Variants in INSL4 observed in about 807,000 individuals in gnomAD.
The protein encoded by INSL4 is insulin like 4.
INSL4 carries 7 observed loss-of-function variants against 6.5 expected under a neutral mutation model. The observed-to-expected ratio is 1.08, with a 90% CI of 0.61 to 2.02. The LOEUF (loss-of-function observed/expected upper bound fraction) is 2.02. Among genes scored for constraint, INSL4 ranks in the 30% most tolerant of loss-of-function variants. INSL4 has a pLI of 0.00. For missense variants in INSL4, 226 were observed against 163.2 expected (o/e 1.38, Z -2.09); for synonymous variants, 82 against 65.8 (o/e 1.25, Z -1.19).
Position 5,231,499 on chromosome 9 carries a change from C to G in INSL4, c.-25C>G. On this transcript the variant is annotated 5_prime_UTR_variant, in exon 1 of 2. Coordinates refer to ENST00000239316, the MANE Select transcript of INSL4 (RefSeq NM_002195.2). ...TCTCTAAAGAAAGGCTGAGAACACC[C>G]AGAACAGGAGAGTTCAGGTCCAGGA... 1 of 1,603,538 alleles carries G rather than the reference C, an allele frequency of 6.2e-7. No homozygotes were observed. The highest frequency in any genetic ancestry group is 8.5e-7 in the Non-Finnish European group (1 of 1,174,794).
Position 5,233,903 on chromosome 9 carries a change from C to A in INSL4, c.*26C>A. ...TAGAGTAATCATGGACTGGACATCT[C>A]ATCCATTCTCATATGTATTCTCAAT... On this transcript the variant is annotated 3_prime_UTR_variant, in exon 2 of 2. Coordinates refer to ENST00000239316, the MANE Select transcript of INSL4 (RefSeq NM_002195.2). 1.4e-6 allele frequency: 2 copies of A among 1,421,528 alleles called. No homozygotes were observed. Among genetic ancestry groups the A allele is most frequent in the South Asian group, 2.3e-5 (2 of 86,434 alleles). The allele number at this position is 1,421,528 out of a possible 1,614,324, so 88.1% of individuals were successfully genotyped here. A position where few individuals can be genotyped will look rare whatever the true frequency, so the allele number is the denominator to read the frequency against.
rs1826193149 is a variant in INSL4 at position 5,234,221 on chromosome 9, T to G, written c.*344T>G. 1 of 212,578 alleles carries G rather than the reference T, an allele frequency of 4.7e-6. No homozygotes were observed. The highest frequency in any genetic ancestry group is 2.3e-5 in the African/African-American group (1 of 43,000). 13.2% of individuals were successfully genotyped at this position (212,578 alleles called of 1,614,324 possible). A position where few individuals can be genotyped will look rare whatever the true frequency, so the allele number is the denominator to read the frequency against. On this transcript the variant is annotated 3_prime_UTR_variant, in exon 2 of 2. Transcript: ENST00000239316. ...TTACCCTGATTTGATCATTACACAT[T>G]ATATACACGTATCAAAATATCACAT...
chr9:5,232,959 C>T (rs1474044866), intron 1 of INSL4, among the ~76,000 whole-genome samples: 2 of 152,084 alleles, frequency 1.3e-5, no homozygotes, highest in Admixed American at 6.6e-5. Context: ...TTAGTCAGAG[C>T]TTGTTTCATT....
intron 1 of INSL4, 107 bp downstream of exon 1, chr9:5,231,826 A>G: frequency 1.0e-6 from 1 of 969,554 alleles, no homozygotes; most frequent in Non-Finnish European, 1.5e-6. Context: ...GCTAGTGCCT[A>G]CAAGTTTGTG....
At chr9:5,233,565 T>C in intron 1 of INSL4, 89 bp from the exon 2 acceptor site, 5 of 935,518 alleles carry the variant, frequency 5.3e-6, no homozygotes, top group African/African-American at 1.6e-5. Context: ...AATGGGTACA[T>C]TGTGGTCTAG....
Position 5,231,507 on chromosome 9 carries a change from G to C in INSL4, c.-17G>C. ...GAAAGGCTGAGAACACCCAGAACAG[G>C]AGAGTTCAGGTCCAGGATGGCCAGC... On this transcript the variant is annotated 5_prime_UTR_variant, in exon 1 of 2. Coordinates refer to ENST00000239316, the MANE Select transcript of INSL4 (RefSeq NM_002195.2). 3.7e-6 allele frequency: 6 copies of C among 1,609,592 alleles called. No homozygotes were observed. The highest frequency in any genetic ancestry group is 4.2e-6 in the Non-Finnish European group (5 of 1,178,202).
intron 1 of INSL4, among the ~76,000 whole-genome samples, chr9:5,232,407 G>C (rs562305289): frequency 3.3e-5 from 5 of 152,248 alleles, no homozygotes; most frequent in African/African-American, 1.2e-4. Context: ...AGTGTGTTGA[G>C]AGAGATGAGA....
chr9:5,232,805 C>T (rs553654199), intron 1 of INSL4, among the ~76,000 whole-genome samples: 1 of 152,180 alleles, frequency 6.6e-6, no homozygotes, highest in Non-Finnish European at 1.5e-5. Context: ...ATGTGTGACT[C>T]CAGAACTGCT....
intron 1 of INSL4, among the ~76,000 whole-genome samples, chr9:5,232,434 G>C (rs1391468620): frequency 6.6e-6 from 1 of 152,082 alleles, no homozygotes; most frequent in African/African-American, 2.4e-5. Flanking sequence ...GAAAGAAAGT[G>C]GCCTGGATGA....
At chr9:5,233,358 A>C (rs188688342) in intron 1 of INSL4, among the ~76,000 whole-genome samples, 1 of 152,172 alleles carries the variant, frequency 6.6e-6, no homozygotes, top group Admixed American at 6.6e-5. Context: ...ATCAATCAAA[A>C]CAGTGTCAGG....
Position 5,231,478 on chromosome 9 carries a change from T to C in INSL4, c.-46T>C. The C allele has an allele frequency of 6.3e-7, 1 of 1,578,332 alleles. No homozygotes were observed. Among genetic ancestry groups the C allele is most frequent in the East Asian group, 2.3e-5 (1 of 44,444 alleles). Reference sequence around the variant, plus strand: ...CTGGTAGGCTACAGCAGCAAGTCTCTAAAGAAAGGCTGAGAACACCCAGAA... The same window carrying C: ...CTGGTAGGCTACAGCAGCAAGTCTCCAAAGAAAGGCTGAGAACACCCAGAA... On this transcript the variant is annotated 5_prime_UTR_variant, in exon 1 of 2. Coordinates refer to ENST00000239316, the MANE Select transcript of INSL4 (RefSeq NM_002195.2).
At chr9:5,233,105 A>T (rs1257548596) in intron 1 of INSL4, among the ~76,000 whole-genome samples, 1 of 152,200 alleles carries the variant, frequency 6.6e-6, no homozygotes, top group African/African-American at 2.4e-5. Flanking sequence ...TCATTTAAAT[A>T]CTTTGACAAA....
chr9:5,233,663 C>A lies in INSL4; in HGVS notation c.206C>A (p.Ser69Ter), dbSNP rs760411422. The stretch of plus-strand genomic sequence containing the variant: ...CTCTTTTACTTCACAGAAATGGTGT[C>A]AACCTCCAACAACAAAGATGGACAA... ...LESGRPKEMV[S>*]TSNNKDGQAL... is the part of the protein sequence containing the mutation. The change falls in exon 2 of 2, where the codon TCA (serine) becomes TAA (stop). Residue 69 changes from serine (S) to a stop codon, truncating the protein, a stop_gained. Coordinates refer to ENST00000239316, the MANE Select transcript of INSL4 (RefSeq NM_002195.2). LOFTEE classifies it low-confidence loss of function (END_TRUNC). The A allele has an allele frequency of 6.2e-7, 1 of 1,612,496 alleles. No individual in the cohort carries two copies. Among genetic ancestry groups the A allele is most frequent in the Admixed American group, 1.7e-5 (1 of 59,940 alleles).
At chr9:5,233,567 G>T (rs1172521934) in intron 1 of INSL4, 87 bp from the exon 2 acceptor site, 5 of 950,630 alleles carry the variant, frequency 5.3e-6, no homozygotes, top group Non-Finnish European at 8.1e-6. Flanking sequence ...TGGGTACATT[G>T]TGGTCTAGGC....
chr9:5,234,913 G>A lies in INSL4; in HGVS notation c.*1036G>A, dbSNP rs1826204531. ...AGAAGCAAAGGATAATAAGTGCAAT[G>A]ATACTTGTAGGTCATCATAGAGACT... On this transcript the variant is annotated 3_prime_UTR_variant, in exon 2 of 2. Coordinates refer to ENST00000239316, the MANE Select transcript of INSL4 (RefSeq NM_002195.2). 6.6e-6 allele frequency: 1 copy of A among 152,058 alleles called. No individual in the cohort carries two copies. Among genetic ancestry groups the A allele is most frequent in the Non-Finnish European group, 1.5e-5 (1 of 68,038 alleles). The allele number at this position is 152,058 out of a possible 1,614,324, so 9.4% of individuals were successfully genotyped here.
chr9:5,233,584 T>C, intron 1 of INSL4, 70 bp from the exon 2 acceptor site: 2 of 1,226,988 alleles, frequency 1.6e-6, no homozygotes, highest in Non-Finnish European at 2.3e-6. Flanking sequence ...AGGCAAATTG[T>C]ATAATTTTTC....
intron 1 of INSL4, among the ~76,000 whole-genome samples, chr9:5,232,207 G>A (rs1826157389): frequency 6.6e-6 from 1 of 152,188 alleles, no homozygotes; most frequent in African/African-American, 2.4e-5. Flanking sequence ...TGGCCTAGGG[G>A]CAGCACACTG....
rs546842037 is a variant in INSL4 at position 5,235,190 on chromosome 9, G to C, written c.*1313G>C. Reference sequence around the variant, plus strand: ...AGTCAGCAGGGCAGGAGGTGGTGTGGAGAAAAGGAATTGTCAAGATCTGGT... The same window carrying C: ...AGTCAGCAGGGCAGGAGGTGGTGTGCAGAAAAGGAATTGTCAAGATCTGGT... On this transcript the variant is annotated 3_prime_UTR_variant, in exon 2 of 2. Transcript: ENST00000239316. The C allele has an allele frequency of 2.0e-5, 3 of 153,182 alleles. No homozygotes were observed. The highest frequency in any genetic ancestry group is 7.2e-5 in the African/African-American group (3 of 41,576). The allele number at this position is 153,182 out of a possible 1,614,324, so 9.5% of individuals were successfully genotyped here. A position where few individuals can be genotyped will look rare whatever the true frequency, so the allele number is the denominator to read the frequency against.
Position 5,231,454 on chromosome 9 carries a change from TG to T in INSL4, c.-68del, listed in dbSNP as rs1826142829. 6.7e-7 allele frequency: 1 copy of T among 1,485,036 alleles called. No homozygotes were observed. Among genetic ancestry groups the T allele is most frequent in the Non-Finnish European group, 9.2e-7 (1 of 1,090,438 alleles). 92.0% of individuals were successfully genotyped at this position (1,485,036 alleles called of 1,614,324 possible). A position where few individuals can be genotyped will look rare whatever the true frequency, so the allele number is the denominator to read the frequency against. ...CCAGAAGGGACACACCAGCACAGTC[TG>T]GTAGGCTACAGCAGCAAGTCTCTAA... On this transcript the variant is annotated 5_prime_UTR_variant, in exon 1 of 2. Coordinates refer to ENST00000239316, the MANE Select transcript of INSL4 (RefSeq NM_002195.2).
Sources: gnomAD v4.1 joint callset for allele counts (sites outside exome capture counted in the v4.1 genomes callset) on GRCh38, gnomAD v4.1.1 for gene constraint, MANE v1.5 for transcripts, NCBI Gene and HGNC (gene_info 2026-07-23, HGNC 2026-07-21) for gene names.